The following PRLR variants were observed in gnomAD, a reference collection of about 807,000 sequenced individuals.
PRLR encodes the protein hPRL receptor.
Under a neutral mutation model 40.2 loss-of-function variants are expected in PRLR, and 13 were observed. The ratio of observed to expected loss-of-function variants is 0.32; its 90% CI spans 0.21 to 0.51. PRLR has a LOEUF of 0.51. Ranked by LOEUF, PRLR falls within the 20% of genes least tolerant of loss-of-function variation. The pLI is 0.97. For missense variants in PRLR, 656 were observed against 747.3 expected (o/e 0.88, Z 1.42); for synonymous variants, 269 against 278.7 (o/e 0.97, Z 0.35).
At position 35,070,232 on chromosome 5, in the gene PRLR, T is replaced by C. The variant is rs766246059; in HGVS notation, c.577A>G (p.Ile193Val). ...TTCTGTCCTGGATGTAGGCTGAGAA[T>C]CTTAAACTCTGTTTGCTGCCCAGCA... is the stretch of plus-strand genomic sequence containing the variant. ...HFAGQQTEFK[I>V]LSLHPGQKYL... Residue 193 changes from isoleucine to valine, a missense_variant, in exon 7 of 10, where the codon ATT (isoleucine) becomes GTT (valine). Transcript: ENST00000618457. The C allele has an allele frequency of 4.3e-6, 7 of 1,614,112 alleles. No individual in the cohort carries two copies. Among genetic ancestry groups the C allele is most frequent in the African/African-American group, 1.3e-5 (1 of 75,048 alleles).
intron 2 of PRLR, among the ~76,000 whole-genome samples, chr5:35,096,620 ACTTT>A (rs1266996746): frequency 6.7e-6 from 1 of 149,370 alleles, no homozygotes; most frequent in Admixed American, 6.6e-5. Flanking sequence ...TCTTTTCTTT[ACTTT>A]CTTTTTTTTT....
Position 35,064,830 on chromosome 5 carries a change from C to A in PRLR, c.*259G>T, listed in dbSNP as rs1769250430. 2.2e-6 allele frequency: 1 copy of A among 457,440 alleles called. No individual in the cohort carries two copies. The highest frequency in any genetic ancestry group is 3.9e-6 in the Non-Finnish European group (1 of 257,920). 28.3% of individuals were successfully genotyped at this position (457,440 alleles called of 1,614,324 possible). Reference sequence around the variant, plus strand: ...GGCATTGTCCCTCAAGAATACTAAGCAGTGTGCTTTTATTTCATTGAACAC... The same window carrying A: ...GGCATTGTCCCTCAAGAATACTAAGAAGTGTGCTTTTATTTCATTGAACAC... On this transcript the variant is annotated 3_prime_UTR_variant, in exon 10 of 10. Coordinates refer to ENST00000618457, the MANE Select transcript of PRLR (RefSeq NM_000949.7).
intron 1 of PRLR, chr5:35,195,265 G>C (rs534125669): frequency 5.2e-5 from 8 of 152,408 alleles, no homozygotes; most frequent in African/African-American, 1.9e-4. Flanking sequence ...GACCGGGCCA[G>C]CGTGTTATTG....
At chr5:35,118,351 C>T (rs772885083) in intron 1 of PRLR, among the ~76,000 whole-genome samples, 2 of 151,646 alleles carry the variant, frequency 1.3e-5, no homozygotes, top group Non-Finnish European at 2.9e-5. Flanking sequence ...CATATACCCT[C>T]GACCCACATA....
intron 2 of PRLR, among the ~76,000 whole-genome samples, chr5:35,115,851 G>A (rs1196289705): frequency 6.6e-6 from 1 of 152,092 alleles, no homozygotes; most frequent in African/African-American, 2.4e-5. Context: ...AAAATGGACT[G>A]CGGCACTTTG....
At chr5:35,084,698 T>C (rs1416169364) in intron 4 of PRLR, 59 bp from the exon 5 acceptor site, 5 of 1,518,758 alleles carry the variant, frequency 3.3e-6, no homozygotes, top group Non-Finnish European at 4.5e-6. Context: ...TCTAGTTTTT[T>C]TCTTCATAGA....
intron 2 of PRLR, among the ~76,000 whole-genome samples, chr5:35,109,176 GA>G: frequency 6.6e-6 from 1 of 152,320 alleles, no homozygotes; most frequent in African/African-American, 2.4e-5. Flanking sequence ...GTAGAAAGTT[GA>G]AACTGGATCC....
intron 1 of PRLR, among the ~76,000 whole-genome samples, chr5:35,170,390 G>C (rs1364185513): frequency 6.6e-6 from 1 of 152,190 alleles, no homozygotes; most frequent in Non-Finnish European, 1.5e-5. Flanking sequence ...TTATTCATTT[G>C]CATCATTTTG....
intron 1 of PRLR, among the ~76,000 whole-genome samples, chr5:35,185,736 T>C (rs1775408299): frequency 6.6e-6 from 1 of 152,206 alleles, no homozygotes; most frequent in Non-Finnish European, 1.5e-5. Context: ...GGTGGAGGCC[T>C]ACTAGGAAAT....
chr5:35,159,096 T>C (rs893173220), intron 1 of PRLR, among the ~76,000 whole-genome samples: 1 of 152,132 alleles, frequency 6.6e-6, no homozygotes, highest in African/African-American at 2.4e-5. Context: ...GAGTGGGGTG[T>C]CATGTTCTAC....
At chr5:35,115,745 G>A (rs1213734385) in intron 2 of PRLR, among the ~76,000 whole-genome samples, 3 of 151,978 alleles carry the variant, frequency 2.0e-5, no homozygotes, top group African/African-American at 4.8e-5. Context: ...TATGGGGCAC[G>A]AGGGAGTGAT....
rs952292779 is a variant in PRLR at position 35,118,060 on chromosome 5, C to T, written c.-44+1G>A. ...GGGGCATGAGAACAAGTCCCCCTTA[C>T]CTTCAGGGTTCATGTGGAAAGCATC... On this transcript the variant is annotated splice_donor_variant, in intron 2 of 9. Coordinates refer to ENST00000618457, the MANE Select transcript of PRLR (RefSeq NM_000949.7). LOFTEE classifies it low-confidence loss of function (5UTR_SPLICE). 7 of 984,766 alleles carry T rather than the reference C, an allele frequency of 7.1e-6. No individual in the cohort carries two copies. In the African/African-American group the frequency reaches 1.2e-4, roughly 17 times the overall value. The allele number at this position is 984,766 out of a possible 1,614,324, so 61.0% of individuals were successfully genotyped here. A position where few individuals can be genotyped will look rare whatever the true frequency, so the allele number is the denominator to read the frequency against.
Position 35,064,969 on chromosome 5 carries a change from T to C in PRLR, c.*120A>G, listed in dbSNP as rs576071821. Reference sequence around the variant, plus strand: ...GAGGCAAGTGGTTAAAAATGGAGCATGAAAGGAGCTGGGAGCTTTAGTAGT... The same window carrying C: ...GAGGCAAGTGGTTAAAAATGGAGCACGAAAGGAGCTGGGAGCTTTAGTAGT... On this transcript the variant is annotated 3_prime_UTR_variant, in exon 10 of 10. Coordinates refer to ENST00000618457, the MANE Select transcript of PRLR (RefSeq NM_000949.7). 2.7e-6 allele frequency: 3 copies of C among 1,126,178 alleles called. No individual in the cohort carries two copies. In the South Asian group the frequency reaches 5.1e-5, roughly 19 times the overall value. The allele number at this position is 1,126,178 out of a possible 1,614,324, so 69.8% of individuals were successfully genotyped here.
At chr5:35,101,168 T>A (rs1237472567) in intron 2 of PRLR, among the ~76,000 whole-genome samples, 1 of 152,174 alleles carries the variant, frequency 6.6e-6, no homozygotes, top group Non-Finnish European at 1.5e-5. Flanking sequence ...TTCATCTACA[T>A]ATTCAGCCCC....
chr5:35,111,566 T>C (rs1772660252), intron 2 of PRLR, among the ~76,000 whole-genome samples: 1 of 152,198 alleles, frequency 6.6e-6, no homozygotes, highest in African/African-American at 2.4e-5. Flanking sequence ...CCCTCCTACT[T>C]CTAGAATCCA....
intron 1 of PRLR, among the ~76,000 whole-genome samples, chr5:35,136,571 G>A (rs1308774953): frequency 6.6e-6 from 1 of 152,156 alleles, no homozygotes; most frequent in East Asian, 1.9e-4. Flanking sequence ...AGTCATGCAT[G>A]GGAGAGGCAG....
intron 1 of PRLR, among the ~76,000 whole-genome samples, chr5:35,150,216 G>C (rs1320947326): frequency 6.6e-6 from 1 of 152,160 alleles, no homozygotes; most frequent in Admixed American, 6.5e-5. Context: ...TCTTGCTTCA[G>C]TCTATCATAG....
At chr5:35,076,880 G>C (rs1770138721) in intron 5 of PRLR, among the ~76,000 whole-genome samples, 1 of 152,150 alleles carries the variant, frequency 6.6e-6, no homozygotes, top group African/African-American at 2.4e-5. Flanking sequence ...AAGAGAGTGG[G>C]GGCCAATATT....
chr5:35,208,535 C>T (rs1266080829), intron 1 of PRLR, among the ~76,000 whole-genome samples: 1 of 152,044 alleles, frequency 6.6e-6, no homozygotes, highest in African/African-American at 2.4e-5. Flanking sequence ...GTGCTGAACA[C>T]AAAACACTCA....
Sources: gnomAD v4.1 joint callset for allele counts (sites outside exome capture counted in the v4.1 genomes callset) on GRCh38, gnomAD v4.1.1 for gene constraint, MANE v1.5 for transcripts, NCBI Gene and HGNC (gene_info 2026-07-23, HGNC 2026-07-21) for gene names.